The following CNTNAP3 variants were observed in gnomAD, a reference collection of about 807,000 sequenced individuals.
CNTNAP3 encodes contactin associated protein family member 3, also known as contactin-associated protein-like 3.
Under a neutral mutation model 92.1 loss-of-function variants are expected in CNTNAP3, and 36 were observed. That is an observed-to-expected ratio of 0.39 (90% CI 0.30 to 0.52). The LOEUF is 0.52. Among genes scored for constraint, CNTNAP3 ranks in the 20% least tolerant of loss-of-function variants. The probability of loss-of-function intolerance (pLI) is 0.76; values close to 1 mark genes in which losing one functional copy is unlikely to be tolerated. For missense variants in CNTNAP3, 534 were observed against 1,069.6 expected (o/e 0.50, Z 6.98); for synonymous variants, 232 against 422.3 (o/e 0.55, Z 5.53).
chr9:39,086,760 G>T lies in CNTNAP3; in HGVS notation c.3310C>A (p.His1104Asn). 2 of 1,611,046 alleles carry T rather than the reference G, an allele frequency of 1.2e-6. No individual in the cohort carries two copies. Among genetic ancestry groups the T allele is most frequent in the Non-Finnish European group, 1.7e-6 (2 of 1,179,632 alleles). Residue 1104 changes from histidine (H) to asparagine (N), a missense_variant, in exon 20 of 24, where the codon CAC becomes AAC. Physicochemically the swap from His to Asn is moderately conservative, Grantham distance 68. Transcript: ENST00000297668. The stretch of plus-strand genomic sequence containing the variant: ...TCTTCTCTGTTAATCTTCACTTGGT[G>T]AAGTTGCCCATCAGCCATGTTTTTA... ...DFKNMADGQL[H>N]QVKINREEAV...
At chr9:39,138,625 C>G (rs137907653) in intron 12 of CNTNAP3, among the ~76,000 whole-genome samples, 10 of 152,334 alleles carry the variant, frequency 6.6e-5, no homozygotes, top group African/African-American at 2.2e-4. Context: ...CTCCAACATT[C>G]ACTGTGAGAA....
In CNTNAP3 at chr9:39,118,163, A is replaced by G. The variant is rs777648732; in HGVS notation, c.2177T>C (p.Leu726Ser). The G allele has an allele frequency of 1.8e-5, 29 of 1,611,296 alleles. No homozygotes were observed. The highest frequency in any genetic ancestry group is 1.7e-4 in the Admixed American group (10 of 59,860). The stretch of plus-strand genomic sequence containing the variant: ...CTGAGAATCAATGCAGTTCCCCTCT[A>G]ATCCACAAGTACACTTTTGAGCATC... Reference protein sequence around the residue: ...LPDAQKCTCGLEGNCIDSQYY... With the variant: ...LPDAQKCTCGSEGNCIDSQYY... Residue 726 changes from leucine to serine, a missense_variant, in exon 14 of 24, where the codon TTA becomes TCA. By Grantham distance (145) the Leu-to-Ser change is moderately radical (BLOSUM62 -2). Coordinates refer to ENST00000297668, the MANE Select transcript of CNTNAP3 (RefSeq NM_033655.5).
At position 39,119,007 on chromosome 9, in the gene CNTNAP3, T is replaced by C. The variant is rs183956777; in HGVS notation, c.2081-748A>G. On this transcript the variant is annotated intron_variant, in intron 13 of 23. Coordinates refer to ENST00000297668, the MANE Select transcript of CNTNAP3 (RefSeq NM_033655.5). ...TGCTGCCAGGGGTTGGGAGTGAAGA[T>C]TGGGGTGATGGACTGACTGCACATC... Among the ~76,000 whole-genome samples, 450 of 152,100 alleles carry C rather than the reference T, an allele frequency of 3.0e-3. 4 individuals are homozygous for C. Among genetic ancestry groups the C allele is most frequent in the African/African-American group, 0.01 (419 of 41,488 alleles).
chr9:39,149,225 G>A (rs1304147847), intron 10 of CNTNAP3, among the ~76,000 whole-genome samples: 6 of 152,268 alleles, frequency 3.9e-5, no homozygotes, highest in African/African-American at 1.2e-4. Flanking sequence ...TTGCAAAAGC[G>A]AGCTTGATAA....
intron 10 of CNTNAP3, among the ~76,000 whole-genome samples, chr9:39,144,882 C>G (rs1168039145): frequency 2.0e-5 from 3 of 151,690 alleles, no homozygotes; most frequent in African/African-American, 4.8e-5. Flanking sequence ...TTTAAGCAAT[C>G]TTAACACTGG....
In CNTNAP3 at chr9:39,133,119, C is replaced by A. The variant is rs767677440; in HGVS notation, c.1893G>T (p.Thr631=). The A allele has an allele frequency of 3.8e-6, 6 of 1,573,742 alleles. No individual in the cohort carries two copies. The South Asian group carries it at 7.0e-5, about 18-fold the overall frequency. The change falls in exon 13 of 24, where the codon ACG becomes ACT. Residue 631 remains threonine, a synonymous_variant. Transcript: ENST00000297668. ...YCNMTADAAW[T]VVQHGGPDAV... is the part of the protein sequence containing the mutation. ...CGTCGGGGCCACCGTGCTGCACCAC[C>A]GTCCACGCGGCGTCTGCTGAGCAGA...
At chr9:39,080,660 C>CT (rs774669701) in intron 21 of CNTNAP3, among the ~76,000 whole-genome samples, 1,683 of 91,058 alleles carry the variant, frequency 0.018, 159 homozygotes, top group African/African-American at 0.028. Context: ...TAGGGCAGAC[C>CT]TTTTTTTTTT....
At chr9:39,138,707 T>TA (rs1821501195) in intron 12 of CNTNAP3, among the ~76,000 whole-genome samples, 1 of 152,240 alleles carries the variant, frequency 6.6e-6, no homozygotes, top group Admixed American at 6.5e-5. Context: ...CTGGAGTTTT[T>TA]AACTCTCAGA....
rs1364361554 is a variant in CNTNAP3, at chr9:39,066,296, G to A, written c.*7594C>T. ...TTTCCATTTACTCTAGGTTATTGTT[G>A]TCATATATTTTACTTTTACTCATGC... On this transcript the variant is annotated 3_prime_UTR_variant, in exon 24 of 24. Transcript: ENST00000297668. Among the ~76,000 whole-genome samples, 1 of 152,160 alleles carries A rather than the reference G, an allele frequency of 6.6e-6. No individual in the cohort carries two copies. Among genetic ancestry groups the A allele is most frequent in the Non-Finnish European group, 1.5e-5 (1 of 68,012 alleles).
intron 23 of CNTNAP3, among the ~76,000 whole-genome samples, chr9:39,074,332 A>G (rs1215153890): frequency 1.3e-5 from 2 of 151,216 alleles, no homozygotes; most frequent in Admixed American, 1.3e-4. Context: ...CCTGGCCTCA[A>G]TGTCAGAGTA....
chr9:39,132,251 G>C (rs1040985457), intron 13 of CNTNAP3, among the ~76,000 whole-genome samples: 1 of 152,162 alleles, frequency 6.6e-6, no homozygotes, highest in African/African-American at 2.4e-5. Context: ...GAGAGCAGCA[G>C]TGAGTCCTGC....
Position 39,073,752 on chromosome 9 carries a change from G to A in CNTNAP3, c.*138C>T. ...CCAGGTGACAGCACTGCACCTGCTT[G>A]TGTGCACCCTGATGGCAACAGCAGG... On this transcript the variant is annotated 3_prime_UTR_variant, in exon 24 of 24. Transcript: ENST00000297668. 3.2e-6 allele frequency: 5 copies of A among 1,542,336 alleles called. No homozygotes were observed. Among genetic ancestry groups the A allele is most frequent in the Non-Finnish European group, 4.4e-6 (5 of 1,131,838 alleles).
In CNTNAP3 at chr9:39,099,910, C is replaced by T. The variant is rs1180838906; in HGVS notation, c.2995+1G>A. The T allele has an allele frequency of 6.2e-7, 1 of 1,611,096 alleles. No homozygotes were observed. On this transcript the variant is annotated splice_donor_variant, in intron 18 of 23. Coordinates refer to ENST00000297668, the MANE Select transcript of CNTNAP3 (RefSeq NM_033655.5). LOFTEE classifies it high-confidence loss of function. Reference sequence around the variant, plus strand: ...ATAACCTGCTCCTTGGTCACACTTACCATTGGAGCAGAACGGCCCATCATA... The same window carrying T: ...ATAACCTGCTCCTTGGTCACACTTATCATTGGAGCAGAACGGCCCATCATA...
At chr9:39,129,731 T>C (rs1821231263) in intron 13 of CNTNAP3, among the ~76,000 whole-genome samples, 2 of 152,106 alleles carry the variant, frequency 1.3e-5, no homozygotes, top group South Asian at 4.1e-4. Flanking sequence ...GCAAATCACA[T>C]ATCCAGCAAA....
rs1826050267 is a variant in CNTNAP3 at position 39,085,779 on chromosome 9, T to C, written c.3399A>G (p.Thr1133=). ...TGAGAGATTTGACGGCGTTGAATTC[T>C]GTCCCTGAGGACAAGATGACTTGTT... ...TKKQVILSSG[T]EFNAVKSLIL... Residue 1133 remains threonine (T), a synonymous_variant, in exon 21 of 24, where the codon ACA becomes ACG. Coordinates refer to ENST00000297668, the MANE Select transcript of CNTNAP3 (RefSeq NM_033655.5). 1 of 1,569,462 alleles carries C rather than the reference T, an allele frequency of 6.4e-7. No homozygotes were observed. The highest frequency in any genetic ancestry group is 1.4e-5 in the African/African-American group (1 of 72,012).
rs199823131 is a variant in CNTNAP3 at position 39,100,113 on chromosome 9, G to C, written c.2793C>G (p.Cys931Trp). ...CCCCGTTCAACTGCAGAGACCGAATGCATCCTAGAAAGCCTCTCTGTCTGG... is the reference window on the plus strand; with the variant it reads ...CCCCGTTCAACTGCAGAGACCGAATCCATCCTAGAAAGCCTCTCTGTCTGG... ...TATRQRGFLG[C>W]IRSLQLNGVA... is the part of the protein sequence containing the mutation. The change falls in exon 18 of 24, where the codon TGC becomes TGG. Residue 931 changes from cysteine (C) to tryptophan (W), a missense_variant. Physicochemically the swap from Cys to Trp is radical, Grantham distance 215. Transcript: ENST00000297668. 43 of 1,587,348 alleles carry C rather than the reference G, an allele frequency of 2.7e-5. No individual in the cohort carries two copies. Among genetic ancestry groups the C allele is most frequent in the Admixed American group, 1.8e-5 (1 of 56,612 alleles).
chr9:39,127,592 A>G (rs892344790), intron 13 of CNTNAP3, among the ~76,000 whole-genome samples: 15 of 152,190 alleles, frequency 9.9e-5, no homozygotes, highest in Non-Finnish European at 8.8e-5. Context: ...ATATCACTAC[A>G]GATGCTGGAG....
At position 39,114,035 on chromosome 9, in the gene CNTNAP3, TACAC is replaced by T. The variant is rs767827479; in HGVS notation, c.2237+4064_2237+4067del. Among the ~76,000 whole-genome samples the T allele has an allele frequency of 1.9e-4, 27 of 141,538 alleles. No individual in the cohort carries two copies. In the South Asian group the frequency reaches 2.3e-3, roughly 12 times the overall value. The allele number at this position is 141,538 out of a possible 152,430, so 92.9% of individuals were successfully genotyped here. Reference sequence around the variant, plus strand: ...ACACACATATATATACACACATATATACACACACACACACACACACATATATATA... The same window carrying T: ...ACACACATATATATACACACATATATACACACACACACACACATATATATA... On this transcript the variant is annotated intron_variant, in intron 14 of 23. Coordinates refer to ENST00000297668, the MANE Select transcript of CNTNAP3 (RefSeq NM_033655.5).
intron 18 of CNTNAP3, among the ~76,000 whole-genome samples, chr9:39,094,831 T>C (rs1254909963): frequency 4.0e-5 from 6 of 151,556 alleles, no homozygotes; most frequent in Non-Finnish European, 7.4e-5. Flanking sequence ...CTGGGCTTTT[T>C]CAAATTTTAT....
Sources: allele counts gnomAD v4.1 joint callset (sites outside exome capture counted in the v4.1 genomes callset), GRCh38; gene constraint gnomAD v4.1.1; transcripts MANE v1.5; gene names NCBI Gene and HGNC (gene_info 2026-07-23, HGNC 2026-07-21).